Variants in PTPRT observed in about 807,000 individuals in gnomAD.
PTPRT encodes protein tyrosine phosphatase receptor type T.
In PTPRT, 56 loss-of-function variants were observed where a neutral mutation model predicts 176.8. The observed-to-expected ratio is 0.32, with a 90% CI of 0.26 to 0.40. The LOEUF (loss-of-function observed/expected upper bound fraction) is 0.40. Among genes scored for constraint, PTPRT ranks in the 10% least tolerant of loss-of-function variants. PTPRT has a pLI of 1.00. For missense variants in PTPRT, 1,540 were observed against 1,908.2 expected, an observed-to-expected ratio of 0.81 and a Z score of 3.60; for synonymous variants, 783 against 739.0, an observed-to-expected ratio of 1.06 and a Z score of -0.96.
chr20:42,465,119 T>C (rs2071082315), intron 8 of PTPRT, among the ~76,000 whole-genome samples: 2 of 148,642 alleles, frequency 1.3e-5, no homozygotes, highest in Admixed American at 6.8e-5. Flanking sequence ...TATGGGATTC[T>C]ACATTTCCTT....
chr20:42,109,831 TGAC>T (rs1432709685), intron 23 of PTPRT, among the ~76,000 whole-genome samples: 1 of 151,940 alleles, frequency 6.6e-6, no homozygotes, highest in Non-Finnish European at 1.5e-5. Context: ...CCCTGGTGAC[TGAC>T]TTCTTCACTG....
At chr20:42,103,757 A>G (rs1020438251) in intron 25 of PTPRT, among the ~76,000 whole-genome samples, 1 of 152,216 alleles carries the variant, frequency 6.6e-6, no homozygotes, top group Non-Finnish European at 1.5e-5. Context: ...GGGATGAAGG[A>G]GCATGAAATT....
chr20:42,931,487 C>A (rs985048233), intron 1 of PTPRT, among the ~76,000 whole-genome samples: 4 of 152,150 alleles, frequency 2.6e-5, no homozygotes, highest in Admixed American at 2.6e-4. Context: ...AAGGTGGGAG[C>A]CACTGCCTCC....
At chr20:42,659,375 C>T (rs1344863720) in intron 7 of PTPRT, among the ~76,000 whole-genome samples, 2 of 152,214 alleles carry the variant, frequency 1.3e-5, no homozygotes, top group Non-Finnish European at 2.9e-5. Flanking sequence ...ATATTACAGG[C>T]ATCCCACTGC....
chr20:42,686,483 TTTTTTTTTTTTTTTTTTTG>T (rs2075695660), intron 6 of PTPRT, among the ~76,000 whole-genome samples: 3 of 53,576 alleles, frequency 5.6e-5, no homozygotes, highest in Admixed American at 2.1e-4. Context: ...TTTTTTTTTT[TTTTTTTTTTTTTTTTTTTG>T]AGACAGAGTC....
At chr20:42,226,037 C>T (rs764707209) in intron 15 of PTPRT, among the ~76,000 whole-genome samples, 2 of 152,222 alleles carry the variant, frequency 1.3e-5, no homozygotes, top group Non-Finnish European at 2.9e-5. Context: ...GGTATCTTTC[C>T]TCAAAATAGA....
chr20:42,815,299 G>C (rs991289139), intron 2 of PTPRT, among the ~76,000 whole-genome samples: 18 of 152,264 alleles, frequency 1.2e-4, no homozygotes, highest in South Asian at 6.2e-4. Context: ...ACTGGGGTAG[G>C]GGGGATAGAG....
intron 9 of PTPRT, among the ~76,000 whole-genome samples, chr20:42,389,139 G>T (rs1315299263): frequency 7.3e-6 from 1 of 136,778 alleles, no homozygotes. Flanking sequence ...GGTGAGGGGA[G>T]GGGGGAGGGA....
chr20:42,718,203 G>T (rs888250252), intron 6 of PTPRT, among the ~76,000 whole-genome samples: 4 of 152,222 alleles, frequency 2.6e-5, no homozygotes, highest in Admixed American at 1.3e-4. Flanking sequence ...CAGTAGAATG[G>T]ATACATTTTG....
intron 1 of PTPRT, among the ~76,000 whole-genome samples, chr20:43,126,014 T>A (rs1224484016): frequency 6.6e-6 from 1 of 152,206 alleles, no homozygotes; most frequent in Non-Finnish European, 1.5e-5. Flanking sequence ...TTTAAACAAC[T>A]GAAAACTGTG....
chr20:42,819,235 G>A (rs1201285895), intron 2 of PTPRT, among the ~76,000 whole-genome samples: 1 of 152,104 alleles, frequency 6.6e-6, no homozygotes, highest in Non-Finnish European at 1.5e-5. Context: ...GAAGAGATTG[G>A]GGGCCAATAT....
intron 7 of PTPRT, among the ~76,000 whole-genome samples, chr20:42,484,828 G>A (rs889331891): frequency 7.9e-5 from 12 of 152,238 alleles, no homozygotes; most frequent in South Asian, 2.1e-4. Context: ...AATATTCCAC[G>A]TTCCCATCTT....
intron 15 of PTPRT, among the ~76,000 whole-genome samples, chr20:42,206,479 G>T (rs1473554603): frequency 6.6e-6 from 1 of 152,246 alleles, no homozygotes; most frequent in Non-Finnish European, 1.5e-5. Context: ...GGAAGCGCAA[G>T]GGGTCAGGGA....
intron 8 of PTPRT, among the ~76,000 whole-genome samples, chr20:42,465,897 C>T (rs1790357378): frequency 6.6e-6 from 1 of 152,134 alleles, no homozygotes; most frequent in South Asian, 2.1e-4. Context: ...GCCCCATATG[C>T]ATTAACTATT....
In PTPRT at chr20:42,110,320, A is replaced by G. The variant is rs748303520; in HGVS notation, c.3254+13T>C. The G allele has an allele frequency of 6.3e-7, 1 of 1,597,272 alleles. No individual in the cohort carries two copies. Among genetic ancestry groups the G allele is most frequent in the East Asian group, 2.2e-5 (1 of 44,652 alleles). ...CCGCCTCGGCCTCCCAAGGTGAAGG[A>G]CCTTTGACTTACCTGCAGTGGACCA... On this transcript the variant is annotated intron_variant, in intron 23 of 30. Coordinates refer to ENST00000373187, the MANE Select transcript of PTPRT (RefSeq NM_007050.6).
At chr20:42,347,397 G>A (rs2058210053) in intron 11 of PTPRT, among the ~76,000 whole-genome samples, 1 of 152,090 alleles carries the variant, frequency 6.6e-6, no homozygotes, top group African/African-American at 2.4e-5. Flanking sequence ...TTCCTGGGTG[G>A]TGCTCATCTG....
chr20:42,822,478 G>A (rs1170143767), intron 2 of PTPRT, among the ~76,000 whole-genome samples: 1 of 152,082 alleles, frequency 6.6e-6, no homozygotes, highest in Non-Finnish European at 1.5e-5. Flanking sequence ...TACCATTCAG[G>A]ACATAGGCAT....
At chr20:42,614,217 T>C (rs1312001633) in intron 7 of PTPRT, among the ~76,000 whole-genome samples, 2 of 152,144 alleles carry the variant, frequency 1.3e-5, no homozygotes, top group Non-Finnish European at 2.9e-5. Flanking sequence ...TCTCCCCAAG[T>C]GCATGGCTCT....
intron 1 of PTPRT, among the ~76,000 whole-genome samples, chr20:43,088,801 T>C (rs1231584461): frequency 6.6e-6 from 1 of 152,098 alleles, no homozygotes; most frequent in Non-Finnish European, 1.5e-5. Flanking sequence ...CTCTGAATAA[T>C]AATTTAAGTC....
Sources: gnomAD v4.1 joint callset for allele counts (sites outside exome capture counted in the v4.1 genomes callset) on GRCh38, gnomAD v4.1.1 for gene constraint, MANE v1.5 for transcripts, NCBI Gene and HGNC (gene_info 2026-07-23, HGNC 2026-07-21) for gene names.